Variants in TSPAN9 observed in about 807,000 individuals in gnomAD.
TSPAN9 encodes the protein tetraspanin-9.
A neutral mutation model predicts 31.0 loss-of-function variants in TSPAN9; 16 were observed. That is an observed-to-expected ratio of 0.52 (90% CI 0.35 to 0.78). TSPAN9 has a LOEUF of 0.78. Ranked by LOEUF, TSPAN9 falls within the 30% of genes least tolerant of loss-of-function variation. The pLI is 0.01. For missense variants in TSPAN9, 272 were observed against 312.5 expected, an observed-to-expected ratio of 0.87 and a Z score of 0.98; for synonymous variants, 145 against 121.6, an observed-to-expected ratio of 1.19 and a Z score of -1.27.
chr12:3,228,852 TCC>T (rs2098389228), intron 3 of TSPAN9, among the ~76,000 whole-genome samples: 1 of 152,222 alleles, frequency 6.6e-6, no homozygotes, highest in African/African-American at 2.4e-5. Flanking sequence ...AGGGCCATGC[TCC>T]CTTCGAAGGC....
intron 2 of TSPAN9, among the ~76,000 whole-genome samples, chr12:3,123,052 G>A (rs2153966392): frequency 6.6e-6 from 1 of 152,270 alleles, no homozygotes; most frequent in South Asian, 2.1e-4. Context: ...GGCCCCACAG[G>A]GAGCCCTGGT....
At chr12:3,253,752 G>C (rs2153978366) in intron 3 of TSPAN9, among the ~76,000 whole-genome samples, 1 of 152,320 alleles carries the variant, frequency 6.6e-6, no homozygotes, top group African/African-American at 2.4e-5. Context: ...TGGTGGTGGT[G>C]GTGACAGGGT....
intron 2 of TSPAN9, among the ~76,000 whole-genome samples, chr12:3,116,669 C>G (rs2098322610): frequency 6.6e-6 from 1 of 152,114 alleles, no homozygotes; most frequent in Admixed American, 6.6e-5. Flanking sequence ...AGAACTGCCC[C>G]CTGCTGCTGC....
At chr12:3,278,725 G>A (rs1268744871) in intron 4 of TSPAN9, 113 bp downstream of exon 4, 4 of 1,401,910 alleles carry the variant, frequency 2.9e-6, no homozygotes, top group Non-Finnish European at 3.9e-6. Flanking sequence ...CCTGAGCCCA[G>A]GGAAACTGCT....
At chr12:3,268,873 TGTGC>T (rs1862605570) in intron 3 of TSPAN9, among the ~76,000 whole-genome samples, 1 of 103,810 alleles carries the variant, frequency 9.6e-6, no homozygotes, top group African/African-American at 4.0e-5. Flanking sequence ...GCCTGCCCTC[TGTGC>T]GTTCCTGCAG....
chr12:3,240,652 G>A (rs1321738070), intron 3 of TSPAN9, among the ~76,000 whole-genome samples: 1 of 152,160 alleles, frequency 6.6e-6, no homozygotes, highest in African/African-American at 2.4e-5. Flanking sequence ...GGGAGTAGGT[G>A]TTTAAACCCA....
intron 2 of TSPAN9, among the ~76,000 whole-genome samples, chr12:3,145,508 C>T (rs998985725): frequency 6.6e-6 from 1 of 152,146 alleles, no homozygotes; most frequent in African/African-American, 2.4e-5. Flanking sequence ...CTCAGTACAT[C>T]TTGCTGAGTT....
At chr12:3,132,630 A>C (rs984522924) in intron 2 of TSPAN9, among the ~76,000 whole-genome samples, 1 of 151,974 alleles carries the variant, frequency 6.6e-6, no homozygotes, top group African/African-American at 2.4e-5. Context: ...ATTTGTCTAG[A>C]TCCTGTTTAA....
chr12:3,140,246 T>C (rs2098334156), intron 2 of TSPAN9, among the ~76,000 whole-genome samples: 1 of 152,190 alleles, frequency 6.6e-6, no homozygotes. Context: ...TGTTGTTTAG[T>C]GTTTCCCAGG....
At chr12:3,108,833 G>T (rs78807923) in intron 2 of TSPAN9, among the ~76,000 whole-genome samples, 1 of 151,796 alleles carries the variant, frequency 6.6e-6, no homozygotes, top group African/African-American at 2.4e-5. Context: ...TTTTGTTTTC[G>T]AAGTATTTGT....
chr12:3,088,541 C>T (rs1204765083), intron 2 of TSPAN9, among the ~76,000 whole-genome samples: 1 of 152,198 alleles, frequency 6.6e-6, no homozygotes, highest in East Asian at 1.9e-4. Flanking sequence ...TGTCTTGGCT[C>T]AGCCTGCCCC....
At chr12:3,225,275 G>T (rs1181910293) in intron 3 of TSPAN9, among the ~76,000 whole-genome samples, 1 of 152,098 alleles carries the variant, frequency 6.6e-6, no homozygotes, top group Non-Finnish European at 1.5e-5. Context: ...TTTTTCTCCT[G>T]GTGTCTCTGT....
intron 3 of TSPAN9, among the ~76,000 whole-genome samples, chr12:3,201,965 G>A (rs372443552): frequency 6.6e-6 from 1 of 152,298 alleles, no homozygotes; most frequent in East Asian, 1.9e-4. Context: ...CGTGCTTCCA[G>A]GTTCTGGGAG....
chr12:3,103,351 T>C (rs989213948), intron 2 of TSPAN9, among the ~76,000 whole-genome samples: 3 of 152,252 alleles, frequency 2.0e-5, no homozygotes, highest in Admixed American at 6.5e-5. Flanking sequence ...AGGATTCTTA[T>C]GTTGGTTATC....
intron 3 of TSPAN9, among the ~76,000 whole-genome samples, chr12:3,235,672 T>C (rs999372768): frequency 1.3e-5 from 2 of 152,200 alleles, no homozygotes; most frequent in Non-Finnish European, 2.9e-5. Context: ...TCCCACCCTC[T>C]GATGATGGCT....
intron 2 of TSPAN9, among the ~76,000 whole-genome samples, chr12:3,119,903 G>T (rs2109205): frequency 0.39 from 59,415 of 152,018 alleles, 12,443 homozygotes; most frequent in Admixed American, 0.51. Context: ...GGCCGCCAGC[G>T]CCCCGGAGTC....
chr12:3,146,763 C>A (rs55677084), intron 2 of TSPAN9, among the ~76,000 whole-genome samples: 25,441 of 151,996 alleles, frequency 0.17, 2,397 homozygotes, highest in Non-Finnish European at 0.22. Flanking sequence ...TCTAGGCCAG[C>A]AATGCAAAAA....
chr12:3,141,994 G>A (rs973688541), intron 2 of TSPAN9, among the ~76,000 whole-genome samples: 1 of 152,204 alleles, frequency 6.6e-6, no homozygotes, highest in African/African-American at 2.4e-5. Flanking sequence ...TGGCCAGCAG[G>A]TGCATAGCAA....
intron 2 of TSPAN9, among the ~76,000 whole-genome samples, chr12:3,086,518 A>G (rs940883063): frequency 6.6e-6 from 1 of 152,192 alleles, no homozygotes; most frequent in Non-Finnish European, 1.5e-5. Flanking sequence ...TTTTTAGAAC[A>G]TCTGATCTTG....
Sources: gnomAD v4.1 joint callset for allele counts (sites outside exome capture counted in the v4.1 genomes callset) on GRCh38, gnomAD v4.1.1 for gene constraint, MANE v1.5 for transcripts, NCBI Gene and HGNC (gene_info 2026-07-23, HGNC 2026-07-21) for gene names.